The following GLG1 variants were observed in gnomAD, a reference collection of about 807,000 sequenced individuals.
GLG1 encodes the protein golgi glycoprotein 1.
Under a neutral mutation model 160.5 loss-of-function variants are expected in GLG1, and 38 were observed. That is an observed-to-expected ratio of 0.24 (90% CI 0.18 to 0.31). The LOEUF is 0.31. Among genes scored for constraint, GLG1 ranks in the 10% least tolerant of loss-of-function variants. The pLI, the probability that GLG1 is intolerant of heterozygous loss-of-function variation, is 1.00. For missense variants in GLG1, 1,373 were observed against 1,505.2 expected (o/e 0.91, Z 1.45); for synonymous variants, 644 against 543.4 (o/e 1.19, Z -2.57).
At chr16:74,464,270 C>A (rs1416056230) in intron 19 of GLG1, among the ~76,000 whole-genome samples, 1 of 152,162 alleles carries the variant, frequency 6.6e-6, no homozygotes, top group African/African-American at 2.4e-5. Context: ...AGCCCTCAAG[C>A]CCTACCTACC....
chr16:74,459,510 G>C (rs1322313369), intron 23 of GLG1, among the ~76,000 whole-genome samples, 172 bp downstream of exon 23: 1 of 151,974 alleles, frequency 6.6e-6, no homozygotes, highest in South Asian at 2.1e-4. Flanking sequence ...TAGGAGATGA[G>C]CAGTCAAAAT....
intron 1 of GLG1, among the ~76,000 whole-genome samples, chr16:74,538,027 C>T (rs1163884186): frequency 1.3e-5 from 2 of 151,506 alleles, no homozygotes; most frequent in African/African-American, 4.9e-5. Flanking sequence ...AACAGAAATG[C>T]TTGGGAGTTG....
At chr16:74,518,554 A>G (rs1181388923) in intron 2 of GLG1, among the ~76,000 whole-genome samples, 1 of 152,186 alleles carries the variant, frequency 6.6e-6, no homozygotes. Flanking sequence ...TAAACTCAAG[A>G]TGGATCAAAG....
At chr16:74,503,202 G>C (rs1427517570) in intron 4 of GLG1, among the ~76,000 whole-genome samples, 1 of 151,550 alleles carries the variant, frequency 6.6e-6, no homozygotes, top group African/African-American at 2.4e-5. Flanking sequence ...GGGAGACTCT[G>C]TTTCAAAAAA....
intron 1 of GLG1, among the ~76,000 whole-genome samples, chr16:74,567,481 G>A (rs923354693): frequency 3.3e-5 from 5 of 151,350 alleles, no homozygotes; most frequent in East Asian, 3.9e-4. Flanking sequence ...TTTGGGTCAC[G>A]TCAGAAGTAA....
At chr16:74,563,220 G>A (rs2018555901) in intron 1 of GLG1, 1 of 152,144 alleles carries the variant, frequency 6.6e-6, no homozygotes, top group South Asian at 2.1e-4. Context: ...TTATCCATAG[G>A]CAGCATTATG....
At position 74,501,270 on chromosome 16, in the gene GLG1, G is replaced by A. The variant is rs543399594; in HGVS notation, c.774+2261C>T. The stretch of plus-strand genomic sequence containing the variant: ...ATATAGGAAGGAAGGTGTTTTTTCA[G>A]AAGTTCATGTGTGAGTCTATCTCAC... On this transcript the variant is annotated intron_variant, in intron 4 of 25. Coordinates refer to ENST00000422840, the MANE Select transcript of GLG1 (RefSeq NM_001145667.2). 4.6e-5 allele frequency among the ~76,000 whole-genome samples: 7 copies of A among 152,276 alleles called. No homozygotes were observed. In the South Asian group the frequency reaches 1.5e-3, roughly 32 times the overall value.
chr16:74,505,320 A>C (rs1241762090), intron 3 of GLG1, among the ~76,000 whole-genome samples: 1 of 152,254 alleles, frequency 6.6e-6, no homozygotes, highest in African/African-American at 2.4e-5. Flanking sequence ...TTGGGAATTT[A>C]GTAAATAATA....
chr16:74,548,026 T>A (rs1163299217), intron 1 of GLG1, among the ~76,000 whole-genome samples: 1 of 152,234 alleles, frequency 6.6e-6, no homozygotes, highest in Non-Finnish European at 1.5e-5. Context: ...CACCTCTGCA[T>A]TCAAACGATT....
rs576284417 is a variant in GLG1 at position 74,468,682 on chromosome 16, G to A, written c.2436+264C>T. ...GCACCCAGCCCCTGAGGACATTACT[G>A]ATCCAGTGATTGGATCACATGCTTA... On this transcript the variant is annotated intron_variant, in intron 17 of 25. Coordinates refer to ENST00000422840, the MANE Select transcript of GLG1 (RefSeq NM_001145667.2). 1.1e-5 allele frequency: 5 copies of A among 448,264 alleles called. No individual in the cohort carries two copies. The East Asian group carries it at 1.2e-4, about 11-fold the overall frequency. The allele number at this position is 448,264 out of a possible 1,614,324, so 27.8% of individuals were successfully genotyped here.
chr16:74,554,344 G>C (rs1232280775), intron 1 of GLG1, among the ~76,000 whole-genome samples: 1 of 152,176 alleles, frequency 6.6e-6, no homozygotes, highest in Non-Finnish European at 1.5e-5. Context: ...GACCAGCCTG[G>C]TCAACATAGT....
At position 74,452,248 on chromosome 16, in the gene GLG1, A is replaced by T; in HGVS notation, c.*919T>A. The T allele has an allele frequency of 2.6e-6, 4 of 1,511,362 alleles. No homozygotes were observed. Among genetic ancestry groups the T allele is most frequent in the Non-Finnish European group, 3.5e-6 (4 of 1,130,114 alleles). The allele number at this position is 1,511,362 out of a possible 1,614,324, so 93.6% of individuals were successfully genotyped here. On this transcript the variant is annotated 3_prime_UTR_variant, in exon 26 of 26. Coordinates refer to ENST00000422840, the MANE Select transcript of GLG1 (RefSeq NM_001145667.2). The stretch of plus-strand genomic sequence containing the variant: ...AGTCCTGCCTCCTGATGAAGCGCAG[A>T]GCTTCCAGAGTGACTGTAGCCTCAG...
At chr16:74,468,619 G>T in intron 17 of GLG1, 1 of 240,632 alleles carries the variant, frequency 4.2e-6, no homozygotes, top group Non-Finnish European at 8.3e-6. Flanking sequence ...CACCTGCCTC[G>T]GCCTCCCAAA....
intron 1 of GLG1, among the ~76,000 whole-genome samples, chr16:74,592,336 T>C (rs1958203698): frequency 6.6e-6 from 1 of 151,990 alleles, no homozygotes; most frequent in Admixed American, 6.6e-5. Context: ...AGAGACAGGG[T>C]TTCCCCCATG....
rs773054618 is a variant in GLG1, at chr16:74,451,818, T to A, written c.*1349A>T. 1.7e-5 allele frequency: 8 copies of A among 477,840 alleles called. No individual in the cohort carries two copies. The highest frequency in any genetic ancestry group is 6.7e-5 in the Admixed American group (2 of 30,012). 29.6% of individuals were successfully genotyped at this position (477,840 alleles called of 1,614,324 possible). On this transcript the variant is annotated 3_prime_UTR_variant, in exon 26 of 26. Transcript: ENST00000422840. ...ACTTGTCATCTCCACACTGGAGGAA[T>A]GAGGCGGGATGGCCAAGAATATTGC...
intron 14 of GLG1, among the ~76,000 whole-genome samples, chr16:74,471,594 G>A (rs1459917145): frequency 6.6e-6 from 1 of 151,986 alleles, no homozygotes; most frequent in Non-Finnish European, 1.5e-5. Flanking sequence ...AATGGTTCCT[G>A]GGTATGTTTC....
intron 1 of GLG1, among the ~76,000 whole-genome samples, chr16:74,592,018 G>A (rs958945063): frequency 6.6e-6 from 1 of 152,164 alleles, no homozygotes; most frequent in African/African-American, 2.4e-5. Flanking sequence ...ATGTATGTAT[G>A]TAGAGTTGGG....
At chr16:74,480,959 C>T (rs2015577399) in intron 10 of GLG1, among the ~76,000 whole-genome samples, 1 of 152,162 alleles carries the variant, frequency 6.6e-6, no homozygotes, top group South Asian at 2.1e-4. Flanking sequence ...GATTTAAAGT[C>T]TCTCTCAAAG....
At position 74,511,600 on chromosome 16, in the gene GLG1, AAAGAAAG is replaced by A. The variant is rs1567493667; in HGVS notation, c.472-2682_472-2676del. On this transcript the variant is annotated intron_variant, in intron 2 of 25. Transcript: ENST00000422840. ...CTTTTTTTTTTAAAAAAAAAAAAAA[AAAGAAAG>A]AAAGAAAGAAAGAAAAGAAAAGCTT... Among the ~76,000 whole-genome samples, 6 of 143,664 alleles carry A rather than the reference AAAGAAAG, an allele frequency of 4.2e-5. No homozygotes were observed. In the South Asian group the frequency reaches 1.1e-3, roughly 26 times the overall value. 94.2% of individuals were successfully genotyped at this position (143,664 alleles called of 152,430 possible). A position where few individuals can be genotyped will look rare whatever the true frequency, so the allele number is the denominator to read the frequency against.
Sources: allele counts gnomAD v4.1 joint callset (sites outside exome capture counted in the v4.1 genomes callset), GRCh38; gene constraint gnomAD v4.1.1; transcripts MANE v1.5; gene names NCBI Gene and HGNC (gene_info 2026-07-23, HGNC 2026-07-21).